PTPRE: variants seen among roughly 807,000 people sequenced by gnomAD.
PTPRE encodes the protein protein tyrosine phosphatase receptor type E.
In PTPRE, 51 loss-of-function variants were observed where a neutral mutation model predicts 102.0. The observed-to-expected ratio is 0.50, with a 90% CI of 0.40 to 0.63. The LOEUF is 0.63. Among genes scored for constraint, PTPRE ranks in the 30% least tolerant of loss-of-function variants. The pLI is 0.00. For synonymous variants in PTPRE, 345 were observed against 348.2 expected, an observed-to-expected ratio of 0.99 and a Z score of 0.10; for missense variants, 752 against 915.1, an observed-to-expected ratio of 0.82 and a Z score of 2.30.
At chr10:128,063,062 G>T (rs374764753) in intron 9 of PTPRE, 21 bp from the exon 10 acceptor site, 4 of 1,613,556 alleles carry the variant, frequency 2.5e-6, no homozygotes, top group Middle Eastern at 1.7e-4. Flanking sequence ...TTTTGACTTC[G>T]AAATTGTCCT....
rs144268244 is a variant in PTPRE, at chr10:128,076,710, T to C, written c.1707T>C (p.Phe569=). Residue 569 remains phenylalanine, a synonymous_variant, in exon 18 of 21, where the codon TTT becomes TTC. Coordinates refer to ENST00000254667, the MANE Select transcript of PTPRE (RefSeq NM_006504.6). The part of the protein sequence containing the change: ...TLSEAISIRD[F]LVTLNQPQAR... ...CAGAAGCCATCAGTATACGAGACTTTCTGGTCACTCTCAATCAGGTATTGT... is the reference window on the plus strand; with the variant it reads ...CAGAAGCCATCAGTATACGAGACTTCCTGGTCACTCTCAATCAGGTATTGT... 1.2e-6 allele frequency: 2 copies of C among 1,611,190 alleles called. No homozygotes were observed. Among genetic ancestry groups the C allele is most frequent in the Admixed American group, 1.7e-5 (1 of 59,032 alleles).
chr10:128,008,728 G>A lies in PTPRE; in HGVS notation c.-8+26432G>A, dbSNP rs1424416698. ...AGAAGTAGGAGACGCAGGATCAGGG[G>A]CACAGAGCTGCCAGCCCTTTCTCAG... On this transcript the variant is annotated intron_variant, in intron 2 of 20. Coordinates refer to ENST00000254667, the MANE Select transcript of PTPRE (RefSeq NM_006504.6). This position sits in a 1 kb window ranked among gnomAD's most constrained non-coding sequence, Gnocchi z 4.0. Among the ~76,000 whole-genome samples, 1 of 152,200 alleles carries A rather than the reference G, an allele frequency of 6.6e-6. No homozygotes were observed. The highest frequency in any genetic ancestry group is 1.5e-5 in the Non-Finnish European group (1 of 68,038).
rs1375794339 is a variant in PTPRE at position 128,005,787 on chromosome 10, C to T, written c.-8+23491C>T. On this transcript the variant is annotated intron_variant, in intron 2 of 20. Coordinates refer to ENST00000254667, the MANE Select transcript of PTPRE (RefSeq NM_006504.6). ...CTAAAACAATAGAGGTGTGTGGTCC[C>T]GCAGTTCCGGAGGCTGCAAGTCTGA... Among the ~76,000 whole-genome samples, 6 of 152,264 alleles carry T rather than the reference C, an allele frequency of 3.9e-5. 1 individual carries two copies. The Middle Eastern group carries it at 0.014, about 345-fold the overall frequency.
chr10:128,037,352 G>A (rs930733965), intron 2 of PTPRE, among the ~76,000 whole-genome samples: 1 of 152,218 alleles, frequency 6.6e-6, no homozygotes, highest in African/African-American at 2.4e-5. Context: ...CTCACTCACT[G>A]CACTGCATTT....
Position 128,070,538 on chromosome 10 carries a change from C to G in PTPRE, c.1293+88C>G. The G allele has an allele frequency of 6.7e-7, 1 of 1,485,244 alleles. No homozygotes were observed. The highest frequency in any genetic ancestry group is 9.1e-7 in the Non-Finnish European group (1 of 1,104,076). 92.0% of individuals were successfully genotyped at this position (1,485,244 alleles called of 1,614,324 possible). A position where few individuals can be genotyped will look rare whatever the true frequency, so the allele number is the denominator to read the frequency against. On this transcript the variant is annotated intron_variant, in intron 14 of 20. Coordinates refer to ENST00000254667, the MANE Select transcript of PTPRE (RefSeq NM_006504.6). The surrounding 1 kb of genome is among the most constrained non-coding windows in gnomAD (Gnocchi z 4.8). ...GTGACCATTTAAAGGAAGCCTCTTT[C>G]AATCACTTGCCCCTTAACTGACCTC...
intron 6 of PTPRE, among the ~76,000 whole-genome samples, chr10:128,055,598 T>C (rs1030077679): frequency 6.6e-6 from 1 of 152,116 alleles, no homozygotes; most frequent in Admixed American, 6.5e-5. Flanking sequence ...AGAGCACACC[T>C]GGAGTCTTAA....
chr10:128,067,566 A>T (rs1047374813), intron 11 of PTPRE, among the ~76,000 whole-genome samples: 2 of 152,250 alleles, frequency 1.3e-5, no homozygotes, highest in Non-Finnish European at 2.9e-5. Flanking sequence ...ATGCACACAC[A>T]TCTACTTCCA....
At chr10:128,004,178 C>T (rs545044065) in intron 2 of PTPRE, among the ~76,000 whole-genome samples, 1 of 151,210 alleles carries the variant, frequency 6.6e-6, no homozygotes, top group South Asian at 2.1e-4. Flanking sequence ...TTATGATCAT[C>T]TTTCAAGAGT....
intron 17 of PTPRE, 130 bp downstream of exon 17, chr10:128,073,601 G>T: frequency 8.6e-7 from 1 of 1,159,902 alleles, no homozygotes; most frequent in East Asian, 2.8e-5. Context: ...GGACCACTAG[G>T]GAAGGAGAGA....
chr10:128,022,365 C>T (rs1007445432), intron 2 of PTPRE, among the ~76,000 whole-genome samples: 1 of 152,374 alleles, frequency 6.6e-6, no homozygotes, highest in East Asian at 1.9e-4. Flanking sequence ...GTGCTTCTCA[C>T]AACCTTCCTG....
intron 1 of PTPRE, among the ~76,000 whole-genome samples, chr10:127,971,499 G>A (rs1392489871): frequency 2.0e-5 from 3 of 152,170 alleles, no homozygotes; most frequent in Non-Finnish European, 4.4e-5. Flanking sequence ...ACTCGGTGCC[G>A]CCCTGAGGTG....
chr10:128,009,926 C>T (rs921776145), intron 2 of PTPRE, among the ~76,000 whole-genome samples: 8 of 152,176 alleles, frequency 5.3e-5, no homozygotes, highest in African/African-American at 1.4e-4. Context: ...AAGCCCTGAC[C>T]CTTATGAGAG....
rs201769705 is a variant in PTPRE, at chr10:128,077,772, C to G, written c.1881C>G (p.Thr627=). Residue 627 remains threonine, a synonymous_variant, in exon 19 of 21, where the codon ACC becomes ACG. Coordinates refer to ENST00000254667, the MANE Select transcript of PTPRE (RefSeq NM_006504.6). ...QQQQTGNHPI[T]VHCSAGAGRT... is the part of the protein sequence containing the mutation. The stretch of plus-strand genomic sequence containing the variant: ...AGCAGACAGGCAACCACCCCATCAC[C>G]GTGCACTGCAGGTGAGCCCCCAGCC... 8.2e-5 allele frequency: 131 copies of G among 1,597,094 alleles called. 1 individual carries two copies. The East Asian group carries it at 2.7e-3, about 33-fold the overall frequency.
intron 2 of PTPRE, chr10:127,987,375 G>A (rs961712452): frequency 1.9e-5 from 24 of 1,280,604 alleles, no homozygotes; most frequent in Middle Eastern, 2.1e-4. Flanking sequence ...GTTTCCCAGC[G>A]TCTTCCCAGG....
chr10:128,038,670 G>C (rs185790964), intron 2 of PTPRE, among the ~76,000 whole-genome samples: 2 of 128,740 alleles, frequency 1.6e-5, no homozygotes, highest in South Asian at 6.1e-4. Flanking sequence ...GGTGGGGGGA[G>C]GGGGGAGGGA....
intron 1 of PTPRE, among the ~76,000 whole-genome samples, chr10:127,951,203 CTG>C (rs1230276639): frequency 6.6e-6 from 1 of 152,176 alleles, no homozygotes; most frequent in Non-Finnish European, 1.5e-5. Flanking sequence ...ATCATAAAAA[CTG>C]AGAGTCGTGG....
chr10:128,077,450 A>G (rs2298197), intron 18 of PTPRE, among the ~76,000 whole-genome samples, 167 bp from the exon 19 acceptor site: 76,942 of 151,830 alleles, frequency 0.51, 19,719 homozygotes, highest in Middle Eastern at 0.57. Flanking sequence ...CTTCTTTAGG[A>G]CAAGCAGGTT....
chr10:128,027,121 A>C (rs6482645), intron 2 of PTPRE, among the ~76,000 whole-genome samples: 2 of 151,982 alleles, frequency 1.3e-5, no homozygotes, highest in South Asian at 2.1e-4. Flanking sequence ...TTTCCTAGAG[A>C]GGGTATTAGC....
chr10:127,997,390 G>A (rs1041394017), intron 2 of PTPRE, among the ~76,000 whole-genome samples: 3 of 152,174 alleles, frequency 2.0e-5, no homozygotes, highest in African/African-American at 7.2e-5. Flanking sequence ...CTGGCTGTGA[G>A]GCATCAACAT....
Sources: gnomAD v4.1 joint callset for allele counts (sites outside exome capture counted in the v4.1 genomes callset) on GRCh38, gnomAD v4.1.1 for gene constraint, Gnocchi (gnomAD v3.1) non-coding constraint, MANE v1.5 for transcripts, NCBI Gene and HGNC (gene_info 2026-07-23, HGNC 2026-07-21) for gene names.